The following AGBL1 variants were observed in gnomAD, a reference collection of about 807,000 sequenced individuals.
AGBL1 encodes AGBL carboxypeptidase 1.
AGBL1 carries 130 observed loss-of-function variants against 118.9 expected under a neutral mutation model. The observed-to-expected ratio is 1.09, with a 90% CI of 0.95 to 1.26. AGBL1 has a LOEUF of 1.26. AGBL1 is among the 50% of genes most tolerant of loss of function. The pLI is 0.00. For missense variants in AGBL1, 1,584 were observed against 1,298.1 expected (o/e 1.22, Z -3.38); for synonymous variants, 555 against 478.9 (o/e 1.16, Z -2.08).
rs144822752 is a variant in AGBL1, at chr15:86,217,296, C to T, written c.489-7618C>T. On this transcript the variant is annotated intron_variant, in intron 5 of 22. Transcript: ENST00000614907. Reference sequence around the variant, plus strand: ...AGGTCCTCAGTAAATATTTGTTGAACGAAAGAATAATATAACTAAGGCTCT... The same window carrying T: ...AGGTCCTCAGTAAATATTTGTTGAATGAAAGAATAATATAACTAAGGCTCT... Among the ~76,000 whole-genome samples, 179 of 152,126 alleles carry T rather than the reference C, an allele frequency of 1.2e-3. 1 individual carries two copies. Among genetic ancestry groups the T allele is most frequent in the Middle Eastern group, 3.4e-3 (1 of 294 alleles).
intron 21 of AGBL1, among the ~76,000 whole-genome samples, chr15:86,612,802 G>A (rs923280524): frequency 6.6e-6 from 1 of 152,114 alleles, no homozygotes; most frequent in African/African-American, 2.4e-5. Context: ...CATTCTCTCT[G>A]AAGCCGGCTG....
intron 18 of AGBL1, among the ~76,000 whole-genome samples, chr15:86,492,435 C>T (rs2082793371): frequency 6.6e-6 from 1 of 151,602 alleles, no homozygotes; most frequent in African/African-American, 2.4e-5. Context: ...ACTAAAAATA[C>T]AAAAATTAGC....
chr15:86,422,608 A>T (rs980284176), intron 18 of AGBL1, among the ~76,000 whole-genome samples: 2 of 152,190 alleles, frequency 1.3e-5, no homozygotes, highest in Admixed American at 1.3e-4. Flanking sequence ...GAACGGAAGG[A>T]GATAGAGACA....
At chr15:86,703,803 C>T (rs1321530433) in intron 22 of AGBL1, among the ~76,000 whole-genome samples, 3 of 152,086 alleles carry the variant, frequency 2.0e-5, no homozygotes, top group African/African-American at 7.2e-5. Context: ...ATTGTGAGGC[C>T]TCCCTGCCCA....
chr15:86,473,950 C>G (rs182955917), intron 18 of AGBL1, among the ~76,000 whole-genome samples: 1 of 152,184 alleles, frequency 6.6e-6, no homozygotes, highest in African/African-American at 2.4e-5. Context: ...TGGAAAACCC[C>G]CACCTAGATG....
rs762601906 is a variant in AGBL1, at chr15:86,854,379, CAGA to C, written c.3159-52703_3159-52701del. ...AGGGAGATGCATGGTGTCCTTTCAG[CAGA>C]AGAACACAAACAGATGAGGTGAACT... On this transcript the variant is annotated intron_variant, in intron 22 of 22. Coordinates refer to ENST00000614907, the MANE Select transcript of AGBL1 (RefSeq NM_001386094.1). Among the ~76,000 whole-genome samples the C allele has an allele frequency of 5.3e-5, 8 of 152,212 alleles. No homozygotes were observed. In the South Asian group the frequency reaches 1.0e-3, roughly 20 times the overall value.
chr15:86,845,331 GA>G (rs1257947963), intron 22 of AGBL1, among the ~76,000 whole-genome samples: 2 of 152,074 alleles, frequency 1.3e-5, no homozygotes. Context: ...TGATTGAGAT[GA>G]CTGTACTCTC....
intron 21 of AGBL1, among the ~76,000 whole-genome samples, chr15:86,668,157 CA>C (rs1353065305): frequency 2.6e-5 from 4 of 152,206 alleles, no homozygotes; most frequent in African/African-American, 9.6e-5. Context: ...ATGAACCAAA[CA>C]CCTCCCACCA....
At chr15:86,761,171 T>A (rs1392339716) in intron 22 of AGBL1, among the ~76,000 whole-genome samples, 1 of 152,064 alleles carries the variant, frequency 6.6e-6, no homozygotes, top group Non-Finnish European at 1.5e-5. Context: ...TCTTAGACAC[T>A]CTTAGCTTTC....
intron 18 of AGBL1, among the ~76,000 whole-genome samples, chr15:86,518,500 G>C (rs1447218423): frequency 6.6e-6 from 1 of 152,076 alleles, no homozygotes; most frequent in Non-Finnish European, 1.5e-5. Context: ...CAGTTGAGAT[G>C]CTTTTGTTTG....
chr15:86,440,294 A>G (rs2082047064), intron 18 of AGBL1, among the ~76,000 whole-genome samples: 1 of 152,148 alleles, frequency 6.6e-6, no homozygotes, highest in Admixed American at 6.5e-5. Flanking sequence ...CTGCCCAACC[A>G]GAGAAATGCT....
At chr15:86,680,118 A>T (rs1430619996) in intron 22 of AGBL1, among the ~76,000 whole-genome samples, 1 of 152,168 alleles carries the variant, frequency 6.6e-6, no homozygotes. Context: ...TTATTTTTCC[A>T]ATGTTAATTT....
chr15:86,756,612 A>G (rs2077944697), intron 22 of AGBL1, among the ~76,000 whole-genome samples: 1 of 152,044 alleles, frequency 6.6e-6, no homozygotes, highest in African/African-American at 2.4e-5. Flanking sequence ...GAAGATGAGG[A>G]GTTCTGAGGG....
At chr15:86,211,681 C>T (rs1490755406) in intron 5 of AGBL1, among the ~76,000 whole-genome samples, 1 of 152,138 alleles carries the variant, frequency 6.6e-6, no homozygotes, top group Non-Finnish European at 1.5e-5. Flanking sequence ...GTGCCATTTG[C>T]TAAGAACATT....
intron 21 of AGBL1, among the ~76,000 whole-genome samples, chr15:86,652,160 A>G (rs2085383484): frequency 6.6e-6 from 1 of 152,140 alleles, no homozygotes; most frequent in Non-Finnish European, 1.5e-5. Context: ...TGCACTCTCA[A>G]TTTAAATGTC....
At chr15:86,859,003 C>G (rs1273605479) in intron 22 of AGBL1, among the ~76,000 whole-genome samples, 2 of 152,182 alleles carry the variant, frequency 1.3e-5, no homozygotes, top group African/African-American at 4.8e-5. Flanking sequence ...CATATACCTT[C>G]CAAATGGTAG....
Position 86,950,518 on chromosome 15 carries a change from A to T in AGBL1, c.3222-37469A>T, listed in dbSNP as rs540619153. On this transcript the variant is annotated intron_variant, in intron 23 of 24. Coordinates refer to the AGBL1 transcript ENST00000441037. ...GAAAAGCAGTAACCAAAAAGAAAAA[A>T]ATATATATATGTATATATATATGCA... Among the ~76,000 whole-genome samples the T allele has an allele frequency of 4.6e-5, 7 of 150,572 alleles. No homozygotes were observed. In the South Asian group the frequency reaches 1.5e-3, roughly 31 times the overall value.
At chr15:86,758,737 C>T (rs1169338231) in intron 22 of AGBL1, among the ~76,000 whole-genome samples, 3 of 151,580 alleles carry the variant, frequency 2.0e-5, no homozygotes, top group South Asian at 4.2e-4. Flanking sequence ...TTTGGGAGGC[C>T]GAGGTGAGCT....
chr15:86,723,006 AG>A (rs77735241), intron 22 of AGBL1, among the ~76,000 whole-genome samples: 65,294 of 151,948 alleles, frequency 0.43, 15,011 homozygotes, highest in African/African-American at 0.59. Context: ...AGGGAACAAC[AG>A]GTGCTGGAGA....
Sources: allele counts gnomAD v4.1 joint callset (sites outside exome capture counted in the v4.1 genomes callset), GRCh38; gene constraint gnomAD v4.1.1; transcripts MANE v1.5; gene names NCBI Gene and HGNC (gene_info 2026-07-23, HGNC 2026-07-21).